KCNC2: variants seen among roughly 807,000 people sequenced by gnomAD.
KCNC2 encodes the protein voltage-gated potassium channel KCNC2.
Under a neutral mutation model 44.5 loss-of-function variants are expected in KCNC2, and 21 were observed. That is an observed-to-expected ratio of 0.47 (90% confidence interval 0.33 to 0.68). KCNC2 has a LOEUF of 0.68. KCNC2 is among the 30% of genes least tolerant of loss of function. The probability of loss-of-function intolerance (pLI) is 0.01; values close to 1 mark genes in which losing one functional copy is unlikely to be tolerated. For synonymous variants in KCNC2, 391 were observed against 339.1 expected, an observed-to-expected ratio of 1.15 and a Z score of -1.68; for missense variants, 589 against 826.2, an observed-to-expected ratio of 0.71 and a Z score of 3.52.
chr12:75,139,513 T>C lies in KCNC2; in HGVS notation c.687+67784A>G, dbSNP rs141619426. Among the ~76,000 whole-genome samples, 201 of 152,344 alleles carry C rather than the reference T, an allele frequency of 1.3e-3. 1 individual carries two copies. Among genetic ancestry groups the C allele is most frequent in the African/African-American group, 4.6e-3 (190 of 41,586 alleles). On this transcript the variant is annotated intron_variant, in intron 2 of 4. Transcript: ENST00000549446. ...CGTTTGAGGATGAAATTTTCTTATG[T>C]GAACAAGAATTTTTGAGTGAATTTA...
chr12:75,080,081 T>A (rs1461040729), intron 2 of KCNC2, among the ~76,000 whole-genome samples: 2 of 152,120 alleles, frequency 1.3e-5, no homozygotes, highest in African/African-American at 2.4e-5. Context: ...TACAGAAAAA[T>A]TTTATTTTTT....
chr12:75,155,026 G>A (rs1463737470), intron 2 of KCNC2, among the ~76,000 whole-genome samples: 2 of 151,682 alleles, frequency 1.3e-5, no homozygotes, highest in African/African-American at 4.8e-5. Context: ...AGTATGAAGA[G>A]GACTTCATGA....
intron 2 of KCNC2, among the ~76,000 whole-genome samples, chr12:75,137,390 G>A (rs564067843): frequency 1.1e-4 from 17 of 152,048 alleles, no homozygotes; most frequent in Non-Finnish European, 2.1e-4. Context: ...AAAGTTCCAG[G>A]ATTCTATGAA....
intron 2 of KCNC2, among the ~76,000 whole-genome samples, chr12:75,102,544 G>A (rs1466519001): frequency 3.3e-5 from 5 of 152,048 alleles, no homozygotes; most frequent in Admixed American, 1.3e-4. Flanking sequence ...TTTAGGGTAT[G>A]TATTTTTTAA....
intron 2 of KCNC2, among the ~76,000 whole-genome samples, chr12:75,159,917 T>C (rs1467852806): frequency 2.6e-5 from 4 of 151,798 alleles, no homozygotes; most frequent in Admixed American, 1.3e-4. Flanking sequence ...CATCTTTGAA[T>C]CCCCTGTACC....
At position 75,040,748 on chromosome 12, in the gene KCNC2, T is replaced by C. The variant is rs1231192661; in HGVS notation, c.*2357A>G. ...AAGTTCATAGATTCAACCAAAGAAG[T>C]AGAAATAAGGGAAATTAAGACAAAA... On this transcript the variant is annotated 3_prime_UTR_variant, in exon 5 of 5. Coordinates refer to ENST00000549446, the MANE Select transcript of KCNC2 (RefSeq NM_139137.4). 13 of 182,610 alleles carry C rather than the reference T, an allele frequency of 7.1e-5. No individual in the cohort carries two copies. In the East Asian group the frequency reaches 1.3e-3, roughly 18 times the overall value. 11.3% of individuals were successfully genotyped at this position (182,610 alleles called of 1,614,324 possible).
chr12:75,176,095 A>G (rs973642382), intron 2 of KCNC2, among the ~76,000 whole-genome samples: 8 of 152,102 alleles, frequency 5.3e-5, no homozygotes, highest in African/African-American at 1.9e-4. Context: ...TGGGCCAAAG[A>G]CCAAAAAGTA....
intron 2 of KCNC2, among the ~76,000 whole-genome samples, chr12:75,143,880 A>C (rs956475397): frequency 1.3e-5 from 2 of 152,208 alleles, no homozygotes; most frequent in Non-Finnish European, 2.9e-5. Flanking sequence ...TTTTAATTAG[A>C]CATGTAAAAC....
At chr12:75,204,851 G>A (rs2031562497) in intron 2 of KCNC2, among the ~76,000 whole-genome samples, 1 of 151,986 alleles carries the variant, frequency 6.6e-6, no homozygotes, top group Admixed American at 6.6e-5. Flanking sequence ...ATTTGAAAAG[G>A]GATTTCCCTG....
intron 2 of KCNC2, among the ~76,000 whole-genome samples, chr12:75,069,817 T>C (rs1179551884): frequency 6.6e-6 from 1 of 152,160 alleles, no homozygotes; most frequent in Non-Finnish European, 1.5e-5. Flanking sequence ...ATGCCCCAGC[T>C]ACACTGTTTT....
At chr12:75,142,085 A>G (rs1490503678) in intron 2 of KCNC2, among the ~76,000 whole-genome samples, 2 of 152,170 alleles carry the variant, frequency 1.3e-5, no homozygotes, top group East Asian at 3.8e-4. Context: ...TGATTACCTA[A>G]TCCTTAAATA....
intron 2 of KCNC2, among the ~76,000 whole-genome samples, chr12:75,064,099 A>C (rs1479391101): frequency 6.6e-6 from 1 of 152,082 alleles, no homozygotes; most frequent in Non-Finnish European, 1.5e-5. Flanking sequence ...TTGAAAATTG[A>C]TTTTGTTTCT....
intron 1 of KCNC2, 125 bp from the exon 2 acceptor site, chr12:75,208,127 C>A (rs2031862201): frequency 1.8e-6 from 2 of 1,109,164 alleles, no homozygotes; most frequent in African/African-American, 1.6e-5. Flanking sequence ...GGGGCAAAGA[C>A]CCTCCCCGGG....
At chr12:75,201,260 TG>T (rs200577937) in intron 2 of KCNC2, among the ~76,000 whole-genome samples, 2,740 of 31,056 alleles carry the variant, frequency 0.088, 160 homozygotes, top group Admixed American at 0.16. Flanking sequence ...CAAACGAAAT[TG>T]GAAAAAAAAA....
chr12:75,084,179 A>G (rs972846317), intron 2 of KCNC2, among the ~76,000 whole-genome samples: 2 of 152,088 alleles, frequency 1.3e-5, no homozygotes, highest in Admixed American at 1.3e-4. Context: ...CTCTATCGGT[A>G]TAAAATAAAA....
At chr12:75,047,817 G>A (rs115768695) in intron 4 of KCNC2, among the ~76,000 whole-genome samples, 1,559 of 152,148 alleles carry the variant, frequency 0.01, 21 homozygotes, top group African/African-American at 0.035. Flanking sequence ...TTTGCAGTGA[G>A]AAAAGATAAC....
chr12:75,145,878 G>T (rs905552160), intron 2 of KCNC2, among the ~76,000 whole-genome samples: 1 of 151,746 alleles, frequency 6.6e-6, no homozygotes, highest in Non-Finnish European at 1.5e-5. Context: ...TTTGTTTCAG[G>T]TCTTTTTCTT....
At chr12:75,099,380 G>C (rs149841274) in intron 2 of KCNC2, among the ~76,000 whole-genome samples, 1 of 152,046 alleles carries the variant, frequency 6.6e-6, no homozygotes, top group Non-Finnish European at 1.5e-5. Context: ...TTCTGTCTAT[G>C]AAAGGCCCAG....
At chr12:75,045,518 A>G (rs1329690797) in intron 4 of KCNC2, among the ~76,000 whole-genome samples, 1 of 151,986 alleles carries the variant, frequency 6.6e-6, no homozygotes, top group Non-Finnish European at 1.5e-5. Flanking sequence ...ATTTATGATT[A>G]GAAAATTTGA....
Sources: allele counts gnomAD v4.1 joint callset (sites outside exome capture counted in the v4.1 genomes callset), GRCh38; gene constraint gnomAD v4.1.1; transcripts MANE v1.5; gene names NCBI Gene and HGNC (gene_info 2026-07-23, HGNC 2026-07-21).